CDH13: variants seen among roughly 807,000 people sequenced by gnomAD.
CDH13 encodes the protein cadherin-13.
A neutral mutation model predicts 63.8 loss-of-function variants in CDH13; 24 were observed. That is an observed-to-expected ratio of 0.38 (90% confidence interval 0.27 to 0.53). The LOEUF is 0.53. Ranked by LOEUF, CDH13 falls within the 20% of genes least tolerant of loss-of-function variation. The probability of loss-of-function intolerance (pLI) is 0.85; values close to 1 mark genes in which losing one functional copy is unlikely to be tolerated. For missense variants in CDH13, 1,049 were observed against 903.1 expected, an observed-to-expected ratio of 1.16 and a Z score of -2.07; for synonymous variants, 503 against 355.3, an observed-to-expected ratio of 1.42 and a Z score of -4.67.
intron 1 of CDH13, among the ~76,000 whole-genome samples, chr16:82,731,624 A>G (rs1299403118): frequency 6.6e-6 from 1 of 152,232 alleles, no homozygotes; most frequent in African/African-American, 2.4e-5. Flanking sequence ...GGAAATGGCA[A>G]TCAACATTGA....
chr16:83,236,237 G>GCGCACACACA (rs1555517178), intron 5 of CDH13, among the ~76,000 whole-genome samples: 1 of 148,898 alleles, frequency 6.7e-6, no homozygotes, highest in Non-Finnish European at 1.5e-5. Flanking sequence ...ACACGCACAT[G>GCGCACACACA]CACACACACA....
intron 5 of CDH13, among the ~76,000 whole-genome samples, chr16:83,266,147 A>T (rs750658729): frequency 1.3e-5 from 2 of 152,058 alleles, no homozygotes; most frequent in Non-Finnish European, 2.9e-5. Context: ...CACATTGGCC[A>T]GGCTGGTCTC....
intron 5 of CDH13, among the ~76,000 whole-genome samples, chr16:83,287,281 C>G (rs2089341943): frequency 1.3e-5 from 2 of 152,288 alleles, no homozygotes; most frequent in South Asian, 2.1e-4. Context: ...CTTCAGGGAC[C>G]AAAACTTTCA....
At chr16:83,197,887 A>G (rs2038920839) in intron 4 of CDH13, among the ~76,000 whole-genome samples, 1 of 152,142 alleles carries the variant, frequency 6.6e-6, no homozygotes, top group African/African-American at 2.4e-5. Context: ...TGTGGATTGC[A>G]TAAATGTCAA....
At chr16:83,673,584 G>T (rs1193672183) in intron 9 of CDH13, among the ~76,000 whole-genome samples, 1 of 151,382 alleles carries the variant, frequency 6.6e-6, no homozygotes, top group Non-Finnish European at 1.5e-5. Context: ...TAACAACAAC[G>T]AAAAAAGAAA....
At chr16:82,817,671 G>A (rs2037789038) in intron 1 of CDH13, among the ~76,000 whole-genome samples, 1 of 152,012 alleles carries the variant, frequency 6.6e-6, no homozygotes, top group Non-Finnish European at 1.5e-5. Flanking sequence ...CAGGTGTGGT[G>A]GTGCACACCT....
chr16:83,733,199 A>G (rs1322926125), intron 10 of CDH13, among the ~76,000 whole-genome samples: 4 of 152,036 alleles, frequency 2.6e-5, no homozygotes, highest in Non-Finnish European at 5.9e-5. Context: ...GATTCTGAGC[A>G]CTCAGTGATG....
chr16:83,632,097 T>C (rs752499790), intron 8 of CDH13, among the ~76,000 whole-genome samples: 9 of 152,272 alleles, frequency 5.9e-5, no homozygotes, highest in Non-Finnish European at 1.0e-4. Flanking sequence ...TCTTAGAAGA[T>C]AGAATGCAGG....
intron 6 of CDH13, among the ~76,000 whole-genome samples, chr16:83,373,582 A>G (rs2091410609): frequency 6.6e-6 from 1 of 152,198 alleles, no homozygotes. Context: ...AAAGGCCACC[A>G]TGATACAGGT....
chr16:83,445,278 AT>A (rs1244897881), intron 6 of CDH13, among the ~76,000 whole-genome samples: 1 of 138,960 alleles, frequency 7.2e-6, no homozygotes, highest in African/African-American at 2.5e-5. Context: ...AGCTTTTATA[AT>A]TTATAAAAGG....
At chr16:82,743,804 A>G (rs1224527951) in intron 1 of CDH13, among the ~76,000 whole-genome samples, 1 of 152,202 alleles carries the variant, frequency 6.6e-6, no homozygotes. Context: ...CCATAAGTGT[A>G]TTTTTAATAC....
At chr16:83,067,617 A>G (rs1225596525) in intron 3 of CDH13, among the ~76,000 whole-genome samples, 1 of 152,252 alleles carries the variant, frequency 6.6e-6, no homozygotes, top group Non-Finnish European at 1.5e-5. Context: ...AACTTTAGGG[A>G]TAAAATGCAC....
At chr16:83,621,112 C>T (rs938586214) in intron 8 of CDH13, among the ~76,000 whole-genome samples, 1 of 152,100 alleles carries the variant, frequency 6.6e-6, no homozygotes, top group Non-Finnish European at 1.5e-5. Flanking sequence ...ATGAAGGCTC[C>T]GACAGCTGAA....
intron 7 of CDH13, among the ~76,000 whole-genome samples, chr16:83,553,308 GA>G (rs1232866140): frequency 6.6e-6 from 1 of 152,100 alleles, no homozygotes; most frequent in Non-Finnish European, 1.5e-5. Flanking sequence ...TCAAATAAAG[GA>G]ATCTAGTTTC....
intron 2 of CDH13, among the ~76,000 whole-genome samples, chr16:83,000,318 G>T (rs1471834404): frequency 1.6e-5 from 2 of 123,992 alleles, no homozygotes; most frequent in South Asian, 2.7e-4. Context: ...CTGCGATCTC[G>T]GCTCGCTGCA....
intron 3 of CDH13, among the ~76,000 whole-genome samples, chr16:83,044,080 C>T (rs1455722927): frequency 6.6e-6 from 1 of 152,280 alleles, no homozygotes; most frequent in East Asian, 1.9e-4. Flanking sequence ...GAGTTCCTAC[C>T]ACATGTTAGA....
In CDH13 at chr16:83,291,737, C is replaced by G. The variant is rs556186848; in HGVS notation, c.637-53125C>G. Reference sequence around the variant, plus strand: ...CAAGGGAAATGTGGTTAATTCAACTCCAGCTTGCTTTGACCTGAATTTATG... The same window carrying G: ...CAAGGGAAATGTGGTTAATTCAACTGCAGCTTGCTTTGACCTGAATTTATG... On this transcript the variant is annotated intron_variant, in intron 5 of 13. Transcript: ENST00000567109. 4.6e-5 allele frequency among the ~76,000 whole-genome samples: 7 copies of G among 152,248 alleles called. 1 individual carries two copies. Among genetic ancestry groups the G allele is most frequent in the African/African-American group, 1.7e-4 (7 of 41,540 alleles).
chr16:83,366,360 G>A (rs538236114), intron 6 of CDH13, among the ~76,000 whole-genome samples: 34 of 152,292 alleles, frequency 2.2e-4, no homozygotes, highest in African/African-American at 7.7e-4. Flanking sequence ...GTATGCGTGC[G>A]ATGCCACTCA....
At chr16:83,512,840 A>C (rs1567726618) in intron 7 of CDH13, among the ~76,000 whole-genome samples, 1 of 151,766 alleles carries the variant, frequency 6.6e-6, no homozygotes, top group Non-Finnish European at 1.5e-5. Context: ...CTCCCCACAA[A>C]CCTCTTGATT....
Sources: gnomAD v4.1 joint callset for allele counts (sites outside exome capture counted in the v4.1 genomes callset) on GRCh38, gnomAD v4.1.1 for gene constraint, MANE v1.5 for transcripts, NCBI Gene and HGNC (gene_info 2026-07-23, HGNC 2026-07-21) for gene names.